GREB1: variants seen among roughly 807,000 people sequenced by gnomAD.
GREB1 encodes growth regulating estrogen receptor binding 1.
GREB1 carries 106 observed loss-of-function variants against 200.7 expected under a neutral mutation model. That is an observed-to-expected ratio of 0.53 (90% CI 0.45 to 0.62). The LOEUF (loss-of-function observed/expected upper bound fraction) is 0.62, where lower values mean the gene tolerates loss of function less well. Among genes scored for constraint, GREB1 ranks in the 20% least tolerant of loss-of-function variants. GREB1 has a pLI of 0.00. For synonymous variants in GREB1, 1,132 were observed against 1,092.4 expected (o/e 1.04, Z -0.72); for missense variants, 2,243 against 2,556.8 (o/e 0.88, Z 2.65).
intron 4 of GREB1, among the ~76,000 whole-genome samples, chr2:11,570,823 G>C (rs1270783101): frequency 6.6e-6 from 1 of 152,172 alleles, no homozygotes; most frequent in Non-Finnish European, 1.5e-5. Flanking sequence ...TTCTAGAGGA[G>C]TACGATGGCC....
intron 4 of GREB1, among the ~76,000 whole-genome samples, chr2:11,574,457 G>C (rs1015986599): frequency 6.6e-6 from 1 of 152,176 alleles, no homozygotes; most frequent in Non-Finnish European, 1.5e-5. Flanking sequence ...TACAGGTGGG[G>C]CCCCCAGAGG....
In GREB1 at chr2:11,612,313, G is replaced by A. The variant is rs1345081326; in HGVS notation, c.3007-182G>A. On this transcript the variant is annotated intron_variant, in intron 18 of 32. Transcript: ENST00000381486. ...GCTGGCTAATCTCCATGTTCTAGCC[G>A]ACTGAAAATACGGTGGCCAAGTGGA... is the stretch of plus-strand genomic sequence containing the variant. 16 of 1,323,876 alleles carry A rather than the reference G, an allele frequency of 1.2e-5. No individual in the cohort carries two copies. In the South Asian group the frequency reaches 1.3e-4, roughly 10 times the overall value. 82.0% of individuals were successfully genotyped at this position (1,323,876 alleles called of 1,614,324 possible).
intron 1 of GREB1, among the ~76,000 whole-genome samples, chr2:11,534,729 T>G (rs1674213765): frequency 6.6e-6 from 1 of 152,224 alleles, no homozygotes; most frequent in African/African-American, 2.4e-5. Context: ...GGGGGATGTG[T>G]GCTTCTTCTT....
intron 1 of GREB1, among the ~76,000 whole-genome samples, chr2:11,485,572 C>T (rs374178004): frequency 5.9e-5 from 9 of 152,146 alleles, no homozygotes; most frequent in African/African-American, 2.2e-4. Flanking sequence ...CTGCACTAGT[C>T]GGGAAGCTAC....
At chr2:11,530,691 A>C (rs1572599241), upstream of GREB1, among the ~76,000 whole-genome samples, 2 of 152,298 alleles carry the variant, frequency 1.3e-5, no homozygotes, top group East Asian at 3.9e-4. Flanking sequence ...GATGGAGGAC[A>C]AGAAGGGGAC....
At chr2:11,534,584 G>A (rs955395732) in intron 1 of GREB1, among the ~76,000 whole-genome samples, 2 of 152,134 alleles carry the variant, frequency 1.3e-5, no homozygotes, top group African/African-American at 4.8e-5. Flanking sequence ...TTTACCTGGG[G>A]GCCCCTCAGC....
chr2:11,591,370 T>C lies in GREB1; in HGVS notation c.1346-1406T>C, dbSNP rs1304096876. The stretch of plus-strand genomic sequence containing the variant: ...GCTGGGCTGGAACCCACCTTCTAAA[T>C]GGAAGCCTGACGCACTTTCTTCCAG... On this transcript the variant is annotated intron_variant, in intron 10 of 32. Transcript: ENST00000381486. 3 of 733,474 alleles carry C rather than the reference T, an allele frequency of 4.1e-6. No individual in the cohort carries two copies. In the South Asian group the frequency reaches 4.4e-5, roughly 11 times the overall value. The allele number at this position is 733,474 out of a possible 1,614,324, so 45.4% of individuals were successfully genotyped here.
chr2:11,522,762 C>A (rs1302824062), intron 1 of GREB1, among the ~76,000 whole-genome samples: 1 of 152,182 alleles, frequency 6.6e-6, no homozygotes, highest in Non-Finnish European at 1.5e-5. Flanking sequence ...GCTGTGCAGA[C>A]TCAGGGATAG....
chr2:11,552,545 C>T (rs1191938677), intron 1 of GREB1, among the ~76,000 whole-genome samples: 5 of 152,136 alleles, frequency 3.3e-5, no homozygotes, highest in African/African-American at 1.2e-4. Flanking sequence ...TGACGGATTC[C>T]AGTGGGTCAG....
At chr2:11,551,337 T>G (rs1294992074) in intron 1 of GREB1, among the ~76,000 whole-genome samples, 1 of 152,208 alleles carries the variant, frequency 6.6e-6, no homozygotes, top group Non-Finnish European at 1.5e-5. Flanking sequence ...TGTGCCTCAC[T>G]CTTAAAGATA....
At chr2:11,632,704 G>A (rs1023128496) in intron 27 of GREB1, among the ~76,000 whole-genome samples, 185 bp from the exon 28 acceptor site, 4 of 152,172 alleles carry the variant, frequency 2.6e-5, no homozygotes, top group African/African-American at 9.7e-5. Flanking sequence ...ACCTGGAGAG[G>A]AGTGTTTTCC....
chr2:11,641,142 G>C lies in GREB1; in HGVS notation c.*688G>C, dbSNP rs3792031. The C allele has an allele frequency of 5.3e-5, 8 of 151,092 alleles. No homozygotes were observed. The highest frequency in any genetic ancestry group is 1.0e-4 in the Non-Finnish European group (7 of 67,792). 9.4% of individuals were successfully genotyped at this position (151,092 alleles called of 1,614,324 possible). Reference sequence around the variant, plus strand: ...TTCTTTAAAACTAAAAGGGTTTTTTGGGGGGGGAGTTGGCGGGGAGGAAAT... The same window carrying C: ...TTCTTTAAAACTAAAAGGGTTTTTTCGGGGGGGAGTTGGCGGGGAGGAAAT... On this transcript the variant is annotated 3_prime_UTR_variant, in exon 33 of 33. Transcript: ENST00000381486.
intron 1 of GREB1, among the ~76,000 whole-genome samples, chr2:11,523,514 G>A (rs939005846): frequency 6.6e-6 from 1 of 152,142 alleles, no homozygotes; most frequent in African/African-American, 2.4e-5. Flanking sequence ...TGATTGGTAC[G>A]GCTTCTGTAA....
chr2:11,592,087 A>G, intron 10 of GREB1: 2 of 980,006 alleles, frequency 2.0e-6, no homozygotes, highest in Non-Finnish European at 2.4e-6. Context: ...GGACAGTGTA[A>G]CCTGTCTATA....
At chr2:11,561,727 A>C (rs1466738399) in intron 2 of GREB1, 1 of 152,208 alleles carries the variant, frequency 6.6e-6, no homozygotes, top group Non-Finnish European at 1.5e-5. Context: ...GACCCTGCTT[A>C]GCTTCTGAGA....
chr2:11,604,019 G>A (rs182186786), intron 17 of GREB1, among the ~76,000 whole-genome samples: 2 of 152,154 alleles, frequency 1.3e-5, no homozygotes, highest in Non-Finnish European at 2.9e-5. Flanking sequence ...AAACCACGTA[G>A]CCACCAAGCC....
chr2:11,513,428 C>T (rs1673404410), intron 1 of GREB1, among the ~76,000 whole-genome samples: 1 of 152,312 alleles, frequency 6.6e-6, no homozygotes, highest in African/African-American at 2.4e-5. Flanking sequence ...GGGAGCAACA[C>T]TCAAGATCTT....
At chr2:11,558,733 C>A (rs1676683505) in intron 2 of GREB1, among the ~76,000 whole-genome samples, 1 of 152,172 alleles carries the variant, frequency 6.6e-6, no homozygotes, top group Non-Finnish European at 1.5e-5. Context: ...TTATCCAGGC[C>A]ACATCTCGTA....
intron 17 of GREB1, among the ~76,000 whole-genome samples, chr2:11,606,690 TGA>T (rs1682323444): frequency 6.6e-6 from 1 of 151,730 alleles, no homozygotes; most frequent in Non-Finnish European, 1.5e-5. Flanking sequence ...AGCTTATAGT[TGA>T]GTCTTGCTTT....
Sources: gnomAD v4.1 joint callset for allele counts (sites outside exome capture counted in the v4.1 genomes callset) on GRCh38, gnomAD v4.1.1 for gene constraint, MANE v1.5 for transcripts, NCBI Gene and HGNC (gene_info 2026-07-23, HGNC 2026-07-21) for gene names.